Variants in STPG2 observed in about 807,000 individuals in gnomAD.
STPG2 encodes sperm tail PG-rich repeat containing 2.
Under a neutral mutation model 54.2 loss-of-function variants are expected in STPG2, and 56 were observed. The observed-to-expected ratio is 1.03, with a 90% CI of 0.83 to 1.29. The LOEUF is 1.29. Among genes scored for constraint, STPG2 ranks in the 50% most tolerant of loss-of-function variants. The pLI, the probability that STPG2 is intolerant of heterozygous loss-of-function variation, is 0.00. For missense variants in STPG2, 596 were observed against 544.9 expected (o/e 1.09, Z -0.93); for synonymous variants, 200 against 181.8 (o/e 1.10, Z -0.81).
At chr4:97,690,197 A>G (rs1444478608) in intron 10 of STPG2, among the ~76,000 whole-genome samples, 2 of 152,180 alleles carry the variant, frequency 1.3e-5, no homozygotes, top group African/African-American at 4.8e-5. Flanking sequence ...AGTAAATTAG[A>G]GTAATTGATT....
chr4:97,467,563 C>T (rs562792758), intron 4 of STPG2, among the ~76,000 whole-genome samples: 54 of 151,714 alleles, frequency 3.6e-4, no homozygotes, highest in Non-Finnish European at 6.5e-4. Context: ...AACCACAAGG[C>T]ACATTAATAA....
chr4:97,856,990 G>A (rs945178461), intron 8 of STPG2, among the ~76,000 whole-genome samples: 2 of 152,142 alleles, frequency 1.3e-5, no homozygotes, highest in Non-Finnish European at 2.9e-5. Context: ...AACAAATCCT[G>A]CATCCCAGAA....
downstream of STPG2, among the ~76,000 whole-genome samples, chr4:97,557,601 T>C (rs1256254108): frequency 6.6e-6 from 1 of 152,084 alleles, no homozygotes; most frequent in Non-Finnish European, 1.5e-5. Flanking sequence ...ATGTAAAACA[T>C]ACCCTTAACC....
At chr4:97,847,273 T>C (rs1201253644) in intron 8 of STPG2, among the ~76,000 whole-genome samples, 1 of 152,168 alleles carries the variant, frequency 6.6e-6, no homozygotes, top group East Asian at 1.9e-4. Flanking sequence ...TTATAATTAC[T>C]AAGGTCATCC....
intron 4 of STPG2, among the ~76,000 whole-genome samples, chr4:97,446,397 G>C (rs1172249588): frequency 1.3e-5 from 2 of 152,162 alleles, no homozygotes; most frequent in Middle Eastern, 3.2e-3. Flanking sequence ...TTCTAGAAGA[G>C]CGATACAAAT....
intron 10 of STPG2, among the ~76,000 whole-genome samples, chr4:97,616,050 ACATATAAATATAT>A (rs1733856282): frequency 2.1e-4 from 17 of 80,636 alleles, no homozygotes; most frequent in African/African-American, 8.6e-4. Context: ...AAAAAAAAAT[ACATATAAATATAT>A]ATATATATAT....
intron 4 of STPG2, among the ~76,000 whole-genome samples, chr4:97,484,624 C>T (rs1730308142): frequency 1.3e-5 from 2 of 151,778 alleles, no homozygotes; most frequent in South Asian, 4.1e-4. Context: ...CAGAATTCTA[C>T]TAGACATCCA....
intron 5 of STPG2, chr4:98,025,597 G>A (rs571942341): frequency 9.8e-5 from 73 of 746,742 alleles, no homozygotes; most frequent in Non-Finnish European, 1.7e-4. Context: ...ATATAGACAG[G>A]GATATAATAG....
At chr4:97,989,091 A>G (rs1437868713) in intron 5 of STPG2, among the ~76,000 whole-genome samples, 1 of 152,224 alleles carries the variant, frequency 6.6e-6, no homozygotes, top group Non-Finnish European at 1.5e-5. Flanking sequence ...CCTTGGCTTA[A>G]ATGAGCAGAT....
intron 9 of STPG2, among the ~76,000 whole-genome samples, chr4:97,828,115 A>G (rs970222219): frequency 2.6e-5 from 4 of 152,182 alleles, no homozygotes; most frequent in African/African-American, 9.7e-5. Flanking sequence ...CCAAATAGGA[A>G]CAGCCCTGGT....
intron 5 of STPG2, among the ~76,000 whole-genome samples, chr4:97,996,902 G>A (rs570247865): frequency 1.2e-4 from 19 of 152,258 alleles, no homozygotes; most frequent in Non-Finnish European, 2.8e-4. Context: ...ATTTCACACT[G>A]GTCAGGATGG....
intron 10 of STPG2, among the ~76,000 whole-genome samples, chr4:97,705,394 C>T (rs569990887): frequency 5.9e-5 from 9 of 151,828 alleles, no homozygotes; most frequent in East Asian, 3.9e-4. Flanking sequence ...GGCGCGATCT[C>T]GGCTCACTGC....
chr4:98,078,510 T>C (rs2110113849), intron 5 of STPG2, among the ~76,000 whole-genome samples: 1 of 151,848 alleles, frequency 6.6e-6, no homozygotes, highest in East Asian at 1.9e-4. Context: ...TTTAAGTATA[T>C]ACAAGTGGCT....
chr4:97,752,742 T>G (rs139664424), intron 9 of STPG2, among the ~76,000 whole-genome samples: 102 of 151,982 alleles, frequency 6.7e-4, no homozygotes, highest in African/African-American at 2.2e-3. Flanking sequence ...TTACATATCT[T>G]GTTTCCCTCG....
chr4:97,688,435 C>T (rs1257841039), intron 10 of STPG2, among the ~76,000 whole-genome samples: 3 of 152,106 alleles, frequency 2.0e-5, no homozygotes, highest in African/African-American at 4.8e-5. Flanking sequence ...AGCGCAATCT[C>T]GGCTCACTGG....
chr4:97,709,395 T>C (rs1382132359), intron 10 of STPG2, among the ~76,000 whole-genome samples: 1 of 151,586 alleles, frequency 6.6e-6, no homozygotes, highest in East Asian at 1.9e-4. Flanking sequence ...ACTTATATTG[T>C]CCTACCCAAT....
At chr4:97,462,084 C>G (rs1350065874) in intron 4 of STPG2, among the ~76,000 whole-genome samples, 1 of 150,902 alleles carries the variant, frequency 6.6e-6, no homozygotes, top group African/African-American at 2.4e-5. Flanking sequence ...TTTTTTCATT[C>G]TTAGATCAAC....
chr4:97,971,842 T>G (rs907621006), intron 7 of STPG2, among the ~76,000 whole-genome samples: 1 of 149,782 alleles, frequency 6.7e-6, no homozygotes. Context: ...TTTAAAAAAA[T>G]AGAATCCCGT....
intron 5 of STPG2, among the ~76,000 whole-genome samples, chr4:97,992,906 G>A (rs1735066591): frequency 6.6e-6 from 1 of 152,094 alleles, no homozygotes; most frequent in African/African-American, 2.4e-5. Context: ...TATAAGCAGA[G>A]CTACTGATTT....
Sources: allele counts gnomAD v4.1 joint callset (sites outside exome capture counted in the v4.1 genomes callset), GRCh38; gene constraint gnomAD v4.1.1; transcripts MANE v1.5; gene names NCBI Gene and HGNC (gene_info 2026-07-23, HGNC 2026-07-21).